HDGFL3: variants seen among roughly 807,000 people sequenced by gnomAD.
HDGFL3 encodes hepatoma-derived growth factor-related protein 3.
Under a neutral mutation model 27.6 loss-of-function variants are expected in HDGFL3, and 6 were observed. That is an observed-to-expected ratio of 0.22 (90% CI 0.12 to 0.43). The LOEUF (loss-of-function observed/expected upper bound fraction) is 0.43. Ranked by LOEUF, HDGFL3 falls within the 20% of genes least tolerant of loss-of-function variation. HDGFL3 has a pLI of 1.00. For synonymous variants in HDGFL3, 88 were observed against 88.9 expected (o/e 0.99, Z 0.05); for missense variants, 207 against 250.1 (o/e 0.83, Z 1.16).
In HDGFL3 at chr15:83,157,281, T is replaced by G. The variant is rs539182564; in HGVS notation, c.459+134A>C. On this transcript the variant is annotated intron_variant, in intron 4 of 5. Transcript: ENST00000299633. ...GGTTACCTGACTTCCCTCTGCTGTA[T>G]TTTGTCCCTAAAGGCAGAGGCTCCA... The G allele has an allele frequency of 2.0e-4, 173 of 858,548 alleles. 1 individual carries two copies. The highest frequency in any genetic ancestry group is 8.3e-4 in the South Asian group (51 of 61,422). The allele number at this position is 858,548 out of a possible 1,614,324, so 53.2% of individuals were successfully genotyped here.
chr15:83,118,960 C>T (rs559879262), intron 3 of HDGFL3, among the ~76,000 whole-genome samples: 1 of 152,064 alleles, frequency 6.6e-6, no homozygotes, highest in African/African-American at 2.4e-5. Flanking sequence ...AGCTACGTGA[C>T]CTTAGGAAAG....
intron 4 of HDGFL3, among the ~76,000 whole-genome samples, chr15:83,156,315 C>A (rs941357757): frequency 6.6e-6 from 1 of 152,134 alleles, no homozygotes; most frequent in African/African-American, 2.4e-5. Context: ...TATTTTAGGT[C>A]CCCCTGCTCC....
At chr15:83,156,949 A>C (rs983822224) in intron 4 of HDGFL3, among the ~76,000 whole-genome samples, 2 of 152,124 alleles carry the variant, frequency 1.3e-5, no homozygotes, top group African/African-American at 4.8e-5. Context: ...CGCCTGCCTC[A>C]GCCTCCCAAA....
At position 83,207,406 on chromosome 15, in the gene HDGFL3, A is replaced by G. The variant is rs1343254198; in HGVS notation, c.9T>C (p.Arg3=). The G allele has an allele frequency of 1.5e-6, 2 of 1,343,920 alleles. No individual in the cohort carries two copies. The highest frequency in any genetic ancestry group is 3.2e-5 in the Admixed American group (1 of 31,054). 83.2% of individuals were successfully genotyped at this position (1,343,920 alleles called of 1,614,324 possible). A position where few individuals can be genotyped will look rare whatever the true frequency, so the allele number is the denominator to read the frequency against. The change falls in exon 1 of 6, where the codon CGT becomes CGC. Residue 3 remains arginine (R), a synonymous_variant. Transcript: ENST00000299633. This position sits in a 1 kb window ranked among gnomAD's most constrained non-coding sequence, Gnocchi z 4.8. ...CCGCTTTGTACTCGCGGGGCCGCGG[A>G]CGCGCCATCCCAGCCGCTCCCCTTC... is the stretch of plus-strand genomic sequence containing the variant. MA[R]PRPREYKAGD...
intron 1 of HDGFL3, among the ~76,000 whole-genome samples, chr15:83,183,070 C>T (rs920460074): frequency 3.3e-5 from 5 of 152,160 alleles, no homozygotes; most frequent in Admixed American, 2.6e-4. Flanking sequence ...AACAAATTGG[C>T]TATATCCTTT....
At position 83,198,054 on chromosome 15, in the gene HDGFL3, C is replaced by CAAAA. The variant is rs766372255; in HGVS notation, c.84+9273_84+9276dup. 2.3e-3 allele frequency among the ~76,000 whole-genome samples: 130 copies of CAAAA among 57,584 alleles called. 13 individuals carry two copies. Among genetic ancestry groups the CAAAA allele is most frequent in the African/African-American group, 6.8e-3 (71 of 10,456 alleles). The allele number at this position is 57,584 out of a possible 152,430, so 37.8% of individuals were successfully genotyped here. A position where few individuals can be genotyped will look rare whatever the true frequency, so the allele number is the denominator to read the frequency against. ...GGGGTGACAGAGAGAGACTCCGTCT[C>CAAAA]AAAAAAAAAAAAAAAAAAAAGAAGC... On this transcript the variant is annotated intron_variant, in intron 1 of 5. Coordinates refer to ENST00000299633, the MANE Select transcript of HDGFL3 (RefSeq NM_016073.4).
chr15:83,126,974 CGAGGTCAG>C (rs1337660844), downstream of HDGFL3: 2 of 697,110 alleles, frequency 2.9e-6, no homozygotes, highest in East Asian at 5.9e-5. Flanking sequence ...AGGTTGATCA[CGAGGTCAG>C]GAGTTTGAAA....
Position 83,130,759 on chromosome 15 carries a change from G to A in HDGFL3, c.*8511C>T, listed in dbSNP as rs1014558505. 4 of 152,170 alleles carry A rather than the reference G, an allele frequency of 2.6e-5. No homozygotes were observed. The highest frequency in any genetic ancestry group is 7.2e-5 in the African/African-American group (3 of 41,440). 9.4% of individuals were successfully genotyped at this position (152,170 alleles called of 1,614,324 possible). On this transcript the variant is annotated 3_prime_UTR_variant, in exon 6 of 6. Coordinates refer to ENST00000299633, the MANE Select transcript of HDGFL3 (RefSeq NM_016073.4). ...AGCAAATACTCGCTTATGAAATGGA[G>A]TCTCATCTTATGGGAGTATCTGACA...
At chr15:83,156,918 C>T (rs1281765730) in intron 4 of HDGFL3, among the ~76,000 whole-genome samples, 3 of 152,026 alleles carry the variant, frequency 2.0e-5, no homozygotes, top group Non-Finnish European at 2.9e-5. Flanking sequence ...ATGATGGTCT[C>T]GATCTCCTGA....
At chr15:83,186,905 TA>T (rs2037450099) in intron 1 of HDGFL3, among the ~76,000 whole-genome samples, 1 of 152,216 alleles carries the variant, frequency 6.6e-6, no homozygotes, top group Non-Finnish European at 1.5e-5. Flanking sequence ...ATACATTTTT[TA>T]AAAACAAAAT....
intron 1 of HDGFL3, among the ~76,000 whole-genome samples, chr15:83,205,070 T>A (rs2037700551): frequency 6.6e-6 from 1 of 152,242 alleles, no homozygotes; most frequent in African/African-American, 2.4e-5. Context: ...AATGCCCACA[T>A]GAATGGCCTT....
Position 83,134,620 on chromosome 15 carries a change from T to C in HDGFL3, c.*4650A>G, listed in dbSNP as rs1015276288. ...AAAAGAGCCTACGGAATCACTGACT[T>C]TTTACACAGGCTCCCCTATGCAAGT... On this transcript the variant is annotated 3_prime_UTR_variant, in exon 6 of 6. Coordinates refer to ENST00000299633, the MANE Select transcript of HDGFL3 (RefSeq NM_016073.4). 6 of 152,194 alleles carry C rather than the reference T, an allele frequency of 3.9e-5. No homozygotes were observed. Among genetic ancestry groups the C allele is most frequent in the African/African-American group, 1.4e-4 (6 of 41,442 alleles). The allele number at this position is 152,194 out of a possible 1,614,324, so 9.4% of individuals were successfully genotyped here. A position where few individuals can be genotyped will look rare whatever the true frequency, so the allele number is the denominator to read the frequency against.
At chr15:83,152,568 C>T (rs1282684209) in intron 4 of HDGFL3, among the ~76,000 whole-genome samples, 1 of 149,460 alleles carries the variant, frequency 6.7e-6, no homozygotes, top group East Asian at 2.0e-4. Flanking sequence ...GGTGTGGTGG[C>T]GAGAGGCCTG....
At chr15:83,201,650 A>G (rs182424228) in intron 1 of HDGFL3, among the ~76,000 whole-genome samples, 184 of 152,318 alleles carry the variant, frequency 1.2e-3, no homozygotes, top group Non-Finnish European at 2.1e-3. Flanking sequence ...ATCAAATACA[A>G]TCTCTAATAG....
chr15:83,165,817 A>G (rs1398449778), intron 1 of HDGFL3, among the ~76,000 whole-genome samples: 1 of 150,624 alleles, frequency 6.6e-6, no homozygotes, highest in African/African-American at 2.4e-5. Context: ...AAAAAAAAAA[A>G]AAAAGAAATA....
chr15:83,158,069 G>A, intron 2 of HDGFL3, 28 bp from the exon 3 acceptor site: 3 of 1,572,084 alleles, frequency 1.9e-6, no homozygotes, highest in Non-Finnish European at 1.7e-6. Context: ...AAATAGAATT[G>A]ACACACTGAC....
At chr15:83,179,748 ATTCAGTATATGT>A (rs1390356566) in intron 1 of HDGFL3, 1 of 152,152 alleles carries the variant, frequency 6.6e-6, no homozygotes, top group Non-Finnish European at 1.5e-5. Flanking sequence ...TTTCTCTAAT[ATTCAGTATATGT>A]TTGTCTCTTG....
chr15:83,207,243 G>A lies in HDGFL3; in HGVS notation c.84+88C>T, dbSNP rs956776474. Reference sequence around the variant, plus strand: ...GCCGGCCGCGAGCTGCGGGCTCGGGGCTGAGGCGATGGGGAAAGGGGGCGG... The same window carrying A: ...GCCGGCCGCGAGCTGCGGGCTCGGGACTGAGGCGATGGGGAAAGGGGGCGG... On this transcript the variant is annotated intron_variant, in intron 1 of 5. Coordinates refer to ENST00000299633, the MANE Select transcript of HDGFL3 (RefSeq NM_016073.4). The surrounding 1 kb of genome is among the most constrained non-coding windows in gnomAD (Gnocchi z 4.8). The A allele has an allele frequency of 1.2e-5, 11 of 947,152 alleles. No individual in the cohort carries two copies. The highest frequency in any genetic ancestry group is 1.7e-5 in the African/African-American group (1 of 58,132). The allele number at this position is 947,152 out of a possible 1,614,324, so 58.7% of individuals were successfully genotyped here.
chr15:83,199,202 T>C (rs2151422424), intron 1 of HDGFL3, among the ~76,000 whole-genome samples: 1 of 152,308 alleles, frequency 6.6e-6, no homozygotes, highest in Non-Finnish European at 1.5e-5. Context: ...CTAGAGGGAA[T>C]TTTCAATCCA....
Sources: gnomAD v4.1 joint callset for allele counts (sites outside exome capture counted in the v4.1 genomes callset) on GRCh38, gnomAD v4.1.1 for gene constraint, Gnocchi (gnomAD v3.1) non-coding constraint, MANE v1.5 for transcripts, NCBI Gene and HGNC (gene_info 2026-07-23, HGNC 2026-07-21) for gene names.